NTM: variants seen among roughly 807,000 people sequenced by gnomAD.
The protein encoded by NTM is neurotrimin.
A neutral mutation model predicts 42.1 loss-of-function variants in NTM; 13 were observed. The observed-to-expected ratio is 0.31, with a 90% CI of 0.20 to 0.49. The LOEUF (loss-of-function observed/expected upper bound fraction) is 0.49, where lower values mean the gene tolerates loss of function less well. Among genes scored for constraint, NTM ranks in the 20% least tolerant of loss-of-function variants. The pLI, the probability that NTM is intolerant of heterozygous loss-of-function variation, is 0.99. For missense variants in NTM, 373 were observed against 452.8 expected, an observed-to-expected ratio of 0.82 and a Z score of 1.60; for synonymous variants, 187 against 179.2, an observed-to-expected ratio of 1.04 and a Z score of -0.35.
intron 1 of NTM, among the ~76,000 whole-genome samples, chr11:131,652,074 A>T (rs2066568279): frequency 8.0e-6 from 1 of 125,558 alleles, no homozygotes; most frequent in Admixed American, 8.2e-5. Flanking sequence ...GGAGCATGTC[A>T]CTCGAGTTCT....
intron 2 of NTM, among the ~76,000 whole-genome samples, chr11:132,088,765 T>C (rs74945096): frequency 0.014 from 2,143 of 152,292 alleles, 49 homozygotes; most frequent in African/African-American, 0.049. Flanking sequence ...CTATGCACAA[T>C]GACTTGTGTG....
chr11:131,843,372 G>A (rs189628719), intron 1 of NTM, among the ~76,000 whole-genome samples: 3 of 152,140 alleles, frequency 2.0e-5, no homozygotes, highest in African/African-American at 7.2e-5. Context: ...AATGGTCTCA[G>A]TCTGGTTAGA....
At chr11:131,603,814 T>A (rs1375339693) in intron 1 of NTM, among the ~76,000 whole-genome samples, 1 of 152,242 alleles carries the variant, frequency 6.6e-6, no homozygotes, top group African/African-American at 2.4e-5. Context: ...TTTCTTCCAC[T>A]TAGCATCGTT....
At chr11:131,670,827 C>T (rs896118833) in intron 1 of NTM, among the ~76,000 whole-genome samples, 2 of 152,138 alleles carry the variant, frequency 1.3e-5, no homozygotes, top group African/African-American at 2.4e-5. Flanking sequence ...TGCTGCCCGG[C>T]GAGGTGGCTG....
intron 2 of NTM, among the ~76,000 whole-genome samples, chr11:131,948,787 A>T (rs558310326): frequency 1.3e-5 from 2 of 152,350 alleles, no homozygotes; most frequent in South Asian, 4.1e-4. Context: ...CAATGCCCTG[A>T]GAAATGTCCA....
chr11:132,198,501 T>C (rs534529469), intron 3 of NTM, among the ~76,000 whole-genome samples: 1 of 152,304 alleles, frequency 6.6e-6, no homozygotes, highest in Admixed American at 6.5e-5. Context: ...GCACCTGCGC[T>C]TATAAATGTA....
chr11:131,478,818 C>A (rs1167979519), intron 1 of NTM, among the ~76,000 whole-genome samples: 2 of 152,254 alleles, frequency 1.3e-5, no homozygotes, highest in Non-Finnish European at 2.9e-5. Context: ...TGAAACTAGG[C>A]ATCTCAGCTC....
intron 2 of NTM, among the ~76,000 whole-genome samples, chr11:132,012,682 A>G (rs116984792): frequency 0.05 from 7,544 of 152,274 alleles, 258 homozygotes; most frequent in Non-Finnish European, 0.073. Flanking sequence ...GATTAATTTA[A>G]TGGCTCATTA....
chr11:131,691,614 C>G (rs1245112990), intron 1 of NTM, among the ~76,000 whole-genome samples: 2 of 151,786 alleles, frequency 1.3e-5, no homozygotes, highest in Non-Finnish European at 2.9e-5. Context: ...CCTTCTCTTC[C>G]ATGTTGTCTT....
chr11:132,120,501 T>C (rs1328321346), intron 2 of NTM, among the ~76,000 whole-genome samples: 1 of 152,212 alleles, frequency 6.6e-6, no homozygotes, highest in Non-Finnish European at 1.5e-5. Flanking sequence ...GTGTCTTTGC[T>C]GTGGGCAAAA....
intron 3 of NTM, among the ~76,000 whole-genome samples, chr11:132,181,575 G>A (rs1235588758): frequency 6.6e-6 from 1 of 152,204 alleles, no homozygotes; most frequent in African/African-American, 2.4e-5. Flanking sequence ...CTAAAAATAT[G>A]TTGTATAACT....
At chr11:131,972,042 C>CAAAAAAAAAAAAAAAAAAAAAA (rs61627120) in intron 2 of NTM, among the ~76,000 whole-genome samples, 10 of 57,830 alleles carry the variant, frequency 1.7e-4, no homozygotes, top group African/African-American at 3.4e-4. Flanking sequence ...GACTCCGTCT[C>CAAAAAAAAAAAAAAAAAAAAAA]AAAAAAAAAA....
At chr11:131,517,362 A>T (rs902167730) in intron 1 of NTM, among the ~76,000 whole-genome samples, 2 of 152,134 alleles carry the variant, frequency 1.3e-5, no homozygotes, top group South Asian at 4.1e-4. Flanking sequence ...TTTCCTTTTT[A>T]CTGTCACCTC....
chr11:132,211,219 A>G (rs1250911879), intron 3 of NTM, among the ~76,000 whole-genome samples: 3 of 152,224 alleles, frequency 2.0e-5, no homozygotes, highest in Non-Finnish European at 4.4e-5. Flanking sequence ...GTCTGGGCAC[A>G]TGGCAAAACC....
intron 2 of NTM, among the ~76,000 whole-genome samples, chr11:132,093,678 G>A (rs1373171689): frequency 6.6e-6 from 1 of 152,094 alleles, no homozygotes; most frequent in Non-Finnish European, 1.5e-5. Flanking sequence ...GCCTTTCTTT[G>A]TAGAAGGCAT....
chr11:131,389,550 C>T (rs140932206), intron 1 of NTM, among the ~76,000 whole-genome samples: 93 of 152,268 alleles, frequency 6.1e-4, no homozygotes, highest in African/African-American at 2.2e-3. Context: ...TCGGGAAGAA[C>T]GTGTAAAACT....
intron 2 of NTM, among the ~76,000 whole-genome samples, chr11:131,972,667 C>T (rs1009199918): frequency 2.6e-5 from 4 of 152,084 alleles, no homozygotes; most frequent in African/African-American, 9.7e-5. Flanking sequence ...CTTTTCTGTT[C>T]ATCTGTGCTG....
chr11:132,238,366 G>T (rs1028796430), intron 4 of NTM, among the ~76,000 whole-genome samples: 35 of 152,224 alleles, frequency 2.3e-4, no homozygotes, highest in African/African-American at 7.9e-4. Context: ...GGTCCCAAAC[G>T]CCTGGGAAGA....
intron 1 of NTM, among the ~76,000 whole-genome samples, chr11:131,521,133 G>C (rs1234453319): frequency 6.6e-6 from 1 of 151,774 alleles, no homozygotes; most frequent in Non-Finnish European, 1.5e-5. Flanking sequence ...GGCCAGCCTG[G>C]CCAATATGGT....
Sources: gnomAD v4.1 joint callset for allele counts (sites outside exome capture counted in the v4.1 genomes callset) on GRCh38, gnomAD v4.1.1 for gene constraint, MANE v1.5 for transcripts, NCBI Gene and HGNC (gene_info 2026-07-23, HGNC 2026-07-21) for gene names.